The following ALG6 variants were observed in gnomAD, a reference collection of about 807,000 sequenced individuals.
The protein encoded by ALG6 is dolichyl pyrophosphate Man9GlcNAc2 alpha-1,3-glucosyltransferase.
A neutral mutation model predicts 66.6 loss-of-function variants in ALG6; 46 were observed. The observed-to-expected ratio is 0.69, with a 90% confidence interval of 0.55 to 0.88. The LOEUF is 0.88. ALG6 is among the 40% of genes least tolerant of loss of function. The probability of loss-of-function intolerance (pLI) is 0.00; values close to 1 mark genes in which losing one functional copy is unlikely to be tolerated. For synonymous variants in ALG6, 185 were observed against 203.7 expected, an observed-to-expected ratio of 0.91 and a Z score of 0.78; for missense variants, 505 against 586.8, an observed-to-expected ratio of 0.86 and a Z score of 1.44.
intron 2 of ALG6, among the ~76,000 whole-genome samples, chr1:63,386,670 A>G (rs1333585074): frequency 1.3e-5 from 2 of 151,896 alleles, no homozygotes; most frequent in African/African-American, 4.8e-5. Context: ...TCTCCTCTTT[A>G]ATCTCTGATT....
chr1:63,429,443 T>G (rs1644634103), intron 14 of ALG6: 1 of 251,086 alleles, frequency 4.0e-6, no homozygotes, highest in African/African-American at 2.3e-5. Flanking sequence ...CTTTGGACAT[T>G]GCATATAAAT....
intron 11 of ALG6, among the ~76,000 whole-genome samples, chr1:63,418,612 A>G (rs1644557051): frequency 6.6e-6 from 1 of 152,164 alleles, no homozygotes; most frequent in Admixed American, 6.5e-5. Context: ...CAGGAAAATT[A>G]CATGATCTGA....
At chr1:63,407,905 T>A (rs1366290012) in intron 7 of ALG6, among the ~76,000 whole-genome samples, 1 of 152,308 alleles carries the variant, frequency 6.6e-6, no homozygotes, top group East Asian at 1.9e-4. Flanking sequence ...TCCACTTTAC[T>A]AATTTAGTTT....
In ALG6 at chr1:63,436,807, C is replaced by G; in HGVS notation, c.1327-16C>G. 1 of 1,612,014 alleles carries G rather than the reference C, an allele frequency of 6.2e-7. No individual in the cohort carries two copies. The highest frequency in any genetic ancestry group is 8.5e-7 in the Non-Finnish European group (1 of 1,178,344). On this transcript the variant is annotated splice_polypyrimidine_tract_variant and intron_variant, in intron 14 of 14. Transcript: ENST00000263440. The stretch of plus-strand genomic sequence containing the variant: ...TCACCTTTTATACTACTCAGTAATC[C>G]TTTTTTTCCTTGCAGTTTCTTATCT...
chr1:63,403,788 A>G (rs539592442), intron 4 of ALG6, among the ~76,000 whole-genome samples: 64 of 152,326 alleles, frequency 4.2e-4, no homozygotes, highest in Non-Finnish European at 7.9e-4. Context: ...TGGTATTTGT[A>G]TATTTAAACA....
intron 2 of ALG6, among the ~76,000 whole-genome samples, chr1:63,381,085 C>T (rs1405534739): frequency 2.0e-5 from 3 of 152,010 alleles, no homozygotes; most frequent in South Asian, 2.1e-4. Flanking sequence ...TTTGAGAGGC[C>T]GAGGCAGGTG....
intron 2 of ALG6, among the ~76,000 whole-genome samples, chr1:63,379,138 T>C (rs1404709781): frequency 1.3e-5 from 2 of 152,194 alleles, no homozygotes; most frequent in Admixed American, 1.3e-4. Context: ...TTCATGAGCT[T>C]AGTGATTTTT....
chr1:63,415,909 C>T lies in ALG6; in HGVS notation c.939C>T (p.Cys313=). 6.2e-7 allele frequency: 1 copy of T among 1,611,802 alleles called. No homozygotes were observed. The highest frequency in any genetic ancestry group is 8.5e-7 in the Non-Finnish European group (1 of 1,178,370). ...CSTFLSLLPA[C]IKLILQPSSK... ...CGTTTTTGAGCCTGCTTCCTGCATG[C>T]ATAAAATTAATACTTCAGCCCTCTT... is the stretch of plus-strand genomic sequence containing the variant. The change falls in exon 11 of 15, where the codon TGC becomes TGT. Residue 313 remains cysteine, a synonymous_variant. Coordinates refer to ENST00000263440, the MANE Select transcript of ALG6 (RefSeq NM_013339.4).
chr1:63,402,473 T>TC, intron 4 of ALG6, 130 bp downstream of exon 4: 1 of 602,066 alleles, frequency 1.7e-6, no homozygotes, highest in East Asian at 2.9e-5. Context: ...TTTTTTTTTT[T>TC]TTTTTTTTTT....
chr1:63,382,257 A>AGTG (rs1206121530), intron 2 of ALG6, among the ~76,000 whole-genome samples: 1 of 151,652 alleles, frequency 6.6e-6, no homozygotes, highest in African/African-American at 2.4e-5. Flanking sequence ...AGTGGAGTGC[A>AGTG]GTGGTGCCAT....
intron 1 of ALG6, among the ~76,000 whole-genome samples, chr1:63,369,963 C>T (rs748216254): frequency 2.6e-5 from 4 of 151,920 alleles, no homozygotes; most frequent in Non-Finnish European, 4.4e-5. Context: ...GGATCACAGG[C>T]GAGCGCCACC....
At chr1:63,380,621 A>T (rs1431439531) in intron 2 of ALG6, among the ~76,000 whole-genome samples, 3 of 152,216 alleles carry the variant, frequency 2.0e-5, no homozygotes, top group Non-Finnish European at 2.9e-5. Context: ...AAAGAACTAA[A>T]ATCAGAGTAT....
intron 10 of ALG6, among the ~76,000 whole-genome samples, chr1:63,415,016 G>A (rs960292095): frequency 3.3e-5 from 5 of 152,144 alleles, no homozygotes; most frequent in Non-Finnish European, 7.3e-5. Flanking sequence ...CTGAGTAGGG[G>A]TTTCACATCT....
intron 7 of ALG6, among the ~76,000 whole-genome samples, chr1:63,409,027 A>T (rs1349149675): frequency 2.6e-5 from 4 of 152,050 alleles, no homozygotes; most frequent in Non-Finnish European, 5.9e-5. Flanking sequence ...TGATCCACCC[A>T]CCTTGGCCTC....
chr1:63,370,865 A>G lies in ALG6; in HGVS notation c.-113A>G. On this transcript the variant is annotated 5_prime_UTR_variant, in exon 2 of 15. Transcript: ENST00000263440. ...CTCCTAATTGCGAAGAATCGATAACATTTCAAGAAGTGATAACATTTCTCT... is the reference window on the plus strand; with the variant it reads ...CTCCTAATTGCGAAGAATCGATAACGTTTCAAGAAGTGATAACATTTCTCT... 1.3e-6 allele frequency: 1 copy of G among 780,214 alleles called. No homozygotes were observed. The highest frequency in any genetic ancestry group is 2.3e-6 in the Non-Finnish European group (1 of 430,234). The allele number at this position is 780,214 out of a possible 1,614,324, so 48.3% of individuals were successfully genotyped here. A position where few individuals can be genotyped will look rare whatever the true frequency, so the allele number is the denominator to read the frequency against.
chr1:63,379,050 A>G (rs984598049), intron 2 of ALG6, among the ~76,000 whole-genome samples: 29 of 151,772 alleles, frequency 1.9e-4, no homozygotes, highest in Non-Finnish European at 8.8e-5. Flanking sequence ...TATGTTTCTT[A>G]TCTAAAAATT....
At chr1:63,400,333 ATACG>A (rs1644456324) in intron 3 of ALG6, among the ~76,000 whole-genome samples, 1 of 19,062 alleles carries the variant, frequency 5.2e-5, no homozygotes, top group Non-Finnish European at 8.5e-5. Context: ...ATATATATAT[ATACG>A]TATATATATA....
At chr1:63,371,452 A>G (rs1275154942) in intron 2 of ALG6, among the ~76,000 whole-genome samples, 1 of 152,116 alleles carries the variant, frequency 6.6e-6, no homozygotes, top group Non-Finnish European at 1.5e-5. Flanking sequence ...GAGAGGGGGA[A>G]TTGATGGAGT....
At position 63,393,819 on chromosome 1, in the gene ALG6, C is replaced by T. The variant is rs571333517; in HGVS notation, c.83-2694C>T. On this transcript the variant is annotated intron_variant, in intron 2 of 14. Transcript: ENST00000263440. Reference sequence around the variant, plus strand: ...ACTCAAGTCTTTTGAACTTAAACGTCCTTGCTGTATTAACATTCACTGATA... The same window carrying T: ...ACTCAAGTCTTTTGAACTTAAACGTTCTTGCTGTATTAACATTCACTGATA... 5.3e-5 allele frequency among the ~76,000 whole-genome samples: 8 copies of T among 152,244 alleles called. No individual in the cohort carries two copies. In the South Asian group the frequency reaches 1.5e-3, roughly 28 times the overall value.
Sources: gnomAD v4.1 joint callset for allele counts (sites outside exome capture counted in the v4.1 genomes callset) on GRCh38, gnomAD v4.1.1 for gene constraint, MANE v1.5 for transcripts, NCBI Gene and HGNC (gene_info 2026-07-23, HGNC 2026-07-21) for gene names.